Variants in PLD5 observed in about 807,000 individuals in gnomAD.
PLD5 encodes the protein inactive phospholipase D5.
Under a neutral mutation model 61.1 loss-of-function variants are expected in PLD5, and 36 were observed. The observed-to-expected ratio is 0.59, with a 90% CI of 0.45 to 0.78. The LOEUF is 0.78. PLD5 is among the 30% of genes least tolerant of loss of function. The pLI, the probability that PLD5 is intolerant of heterozygous loss-of-function variation, is 0.00. For missense variants in PLD5, 515 were observed against 644.4 expected, an observed-to-expected ratio of 0.80 and a Z score of 2.17; for synonymous variants, 243 against 242.8, an observed-to-expected ratio of 1.00 and a Z score of -0.01.
chr1:242,222,071 C>T (rs770605089), intron 4 of PLD5, among the ~76,000 whole-genome samples: 3 of 152,064 alleles, frequency 2.0e-5, no homozygotes, highest in Non-Finnish European at 2.9e-5. Flanking sequence ...TGAGGTTTCT[C>T]GGCTTGTAAC....
intron 1 of PLD5, among the ~76,000 whole-genome samples, chr1:242,451,265 A>T (rs1666766384): frequency 6.6e-6 from 1 of 152,122 alleles, no homozygotes; most frequent in South Asian, 2.1e-4. Context: ...TCCTTCAGAA[A>T]GAGTTCCCTG....
At chr1:242,506,375 T>A (rs1356943639) in intron 1 of PLD5, among the ~76,000 whole-genome samples, 1 of 152,172 alleles carries the variant, frequency 6.6e-6, no homozygotes, top group Non-Finnish European at 1.5e-5. Flanking sequence ...GCTATTTAGT[T>A]CAAGGAAGAA....
At chr1:242,350,236 G>A (rs1470837751) in intron 1 of PLD5, among the ~76,000 whole-genome samples, 8 of 152,054 alleles carry the variant, frequency 5.3e-5, no homozygotes, top group Non-Finnish European at 1.0e-4. Flanking sequence ...ATAAGCTACC[G>A]AGTTTATGAT....
rs1370646047 is a variant in PLD5, at chr1:242,085,395, A to G, written c.*4459T>C. 1 of 152,228 alleles carries G rather than the reference A, an allele frequency of 6.6e-6. No homozygotes were observed. The highest frequency in any genetic ancestry group is 2.4e-5 in the African/African-American group (1 of 41,462). The allele number at this position is 152,228 out of a possible 1,614,324, so 9.4% of individuals were successfully genotyped here. On this transcript the variant is annotated 3_prime_UTR_variant, in exon 10 of 10. Transcript: ENST00000536534. ...CCATTGAGTCACTGTATAAAGCAGCATCTTCATAATTCAGCCAAAGATGGG... is the reference window on the plus strand; with the variant it reads ...CCATTGAGTCACTGTATAAAGCAGCGTCTTCATAATTCAGCCAAAGATGGG...
At chr1:242,475,284 G>T (rs1450289435) in intron 1 of PLD5, among the ~76,000 whole-genome samples, 1 of 151,794 alleles carries the variant, frequency 6.6e-6, no homozygotes, top group Non-Finnish European at 1.5e-5. Context: ...TTAGCTGGGC[G>T]CGGTGGCGGG....
chr1:242,397,450 T>A (rs1663657222), intron 1 of PLD5, among the ~76,000 whole-genome samples: 1 of 152,000 alleles, frequency 6.6e-6, no homozygotes, highest in Non-Finnish European at 1.5e-5. Context: ...ATTAACTTAG[T>A]CCTAATCACC....
intron 8 of PLD5, among the ~76,000 whole-genome samples, chr1:242,105,222 GT>G (rs570259900): frequency 1.6e-3 from 228 of 146,600 alleles, no homozygotes; most frequent in African/African-American, 5.2e-3. Flanking sequence ...CTGTGTGTTG[GT>G]TTTTTTTTTT....
chr1:242,477,834 A>G (rs1667646155), intron 1 of PLD5, among the ~76,000 whole-genome samples: 1 of 152,190 alleles, frequency 6.6e-6, no homozygotes, highest in Admixed American at 6.5e-5. Flanking sequence ...AGCGGTCTGA[A>G]TTCAACCTTG....
intron 4 of PLD5, among the ~76,000 whole-genome samples, chr1:242,227,858 A>T (rs755933884): frequency 5.9e-5 from 9 of 152,222 alleles, no homozygotes; most frequent in Non-Finnish European, 1.3e-4. Flanking sequence ...TTTTGATTAG[A>T]AACAATTCAC....
At chr1:242,508,387 T>A (rs578173577) in intron 1 of PLD5, among the ~76,000 whole-genome samples, 8 of 150,858 alleles carry the variant, frequency 5.3e-5, no homozygotes, top group East Asian at 3.9e-4. Context: ...AAAAAAAAAA[T>A]TTTGTTAGGT....
At position 242,124,502 on chromosome 1, in the gene PLD5, T is replaced by C. The variant is rs1662632101; in HGVS notation, c.899A>G (p.Gln300Arg). The change falls in exon 6 of 10, where the codon CAG becomes CGG. Residue 300 changes from glutamine (Q) to arginine (R), a missense_variant. By Grantham distance (43) the Gln-to-Arg change is conservative. Around this residue, in one of 2 missense-constraint regions of PLD5, gnomAD observed 450 missense variants for 598.1 expected, o/e 0.75. Coordinates refer to ENST00000536534, the MANE Select transcript of PLD5 (RefSeq NM_001372062.1). ...VYDNEKKLQL[Q>R]LNETKSQAFV... ...TGCTTGAGATTTGGTTTCATTCAAC[T>C]GAAGTTGCAATTTCTTTTCATTGTC... 1 of 1,614,106 alleles carries C rather than the reference T, an allele frequency of 6.2e-7. No homozygotes were observed. The highest frequency in any genetic ancestry group is 1.1e-5 in the South Asian group (1 of 91,062).
chr1:242,515,849 G>A (rs926703299), intron 1 of PLD5, among the ~76,000 whole-genome samples: 3 of 152,136 alleles, frequency 2.0e-5, no homozygotes, highest in African/African-American at 4.8e-5. Context: ...ATCAAAAGAT[G>A]TGTTTAATGT....
At chr1:242,215,439 C>A (rs1275103778) in intron 5 of PLD5, among the ~76,000 whole-genome samples, 3 of 152,068 alleles carry the variant, frequency 2.0e-5, no homozygotes, top group African/African-American at 7.2e-5. Context: ...TTGGCACAAA[C>A]CTTATTTACC....
intron 2 of PLD5, among the ~76,000 whole-genome samples, chr1:242,327,158 C>T (rs1160466398): frequency 1.3e-5 from 2 of 150,514 alleles, no homozygotes; most frequent in Non-Finnish European, 2.9e-5. Context: ...AGCCACCACG[C>T]CTGGCGCTAA....
intron 1 of PLD5, among the ~76,000 whole-genome samples, chr1:242,520,009 T>G (rs979550729): frequency 2.6e-5 from 4 of 152,200 alleles, no homozygotes; most frequent in African/African-American, 9.7e-5. Context: ...GTGCTTTGTA[T>G]GCTGCAGCAG....
intron 4 of PLD5, among the ~76,000 whole-genome samples, chr1:242,243,669 A>C (rs1027431958): frequency 2.0e-5 from 3 of 151,660 alleles, no homozygotes; most frequent in African/African-American, 7.3e-5. Context: ...AGTTTGGGAA[A>C]CTCTTCCTAG....
intron 3 of PLD5, among the ~76,000 whole-genome samples, chr1:242,285,137 T>C (rs1432896688): frequency 1.3e-5 from 2 of 152,252 alleles, no homozygotes; most frequent in Non-Finnish European, 2.9e-5. Flanking sequence ...ATTCCATTTG[T>C]TGGCAGCAGG....
At chr1:242,179,879 G>T (rs1667406578) in intron 5 of PLD5, among the ~76,000 whole-genome samples, 1 of 151,868 alleles carries the variant, frequency 6.6e-6, no homozygotes, top group Non-Finnish European at 1.5e-5. Context: ...CTCCAGCCTA[G>T]GTGACAGAGT....
intron 2 of PLD5, among the ~76,000 whole-genome samples, chr1:242,310,466 A>G (rs1288437773): frequency 6.6e-6 from 1 of 152,168 alleles, no homozygotes; most frequent in East Asian, 1.9e-4. Flanking sequence ...CTCCCCTATA[A>G]CACAAATAAT....
Sources: allele counts gnomAD v4.1 joint callset (sites outside exome capture counted in the v4.1 genomes callset), GRCh38; gene constraint gnomAD v4.1.1; regional missense constraint gnomAD v4.1.1; transcripts MANE v1.5; gene names NCBI Gene and HGNC (gene_info 2026-07-23, HGNC 2026-07-21).